Variants in SEC24B observed in about 807,000 individuals in gnomAD.
The protein encoded by SEC24B is protein transport protein Sec24B.
SEC24B carries 45 observed loss-of-function variants against 142.8 expected under a neutral mutation model. That is an observed-to-expected ratio of 0.32 (90% CI 0.25 to 0.40). The LOEUF (loss-of-function observed/expected upper bound fraction) is 0.40, where lower values mean the gene tolerates loss of function less well. Ranked by LOEUF, SEC24B falls within the 10% of genes least tolerant of loss-of-function variation. SEC24B has a pLI of 1.00. For synonymous variants in SEC24B, 574 were observed against 568.2 expected (o/e 1.01, Z -0.15); for missense variants, 1,409 against 1,526.8 (o/e 0.92, Z 1.29).
At chr4:109,487,206 T>C (rs537804426) in intron 4 of SEC24B, among the ~76,000 whole-genome samples, 3 of 149,950 alleles carry the variant, frequency 2.0e-5, no homozygotes, top group African/African-American at 7.5e-5. Flanking sequence ...TAATTCAGGA[T>C]TGAGAATGTG....
At chr4:109,503,125 T>C (rs1736329194) in intron 6 of SEC24B, among the ~76,000 whole-genome samples, 1 of 151,518 alleles carries the variant, frequency 6.6e-6, no homozygotes, top group African/African-American at 2.4e-5. Flanking sequence ...AGTGGTGCGA[T>C]CTTGGCTCAC....
intron 1 of SEC24B, among the ~76,000 whole-genome samples, chr4:109,438,638 A>G (rs1728639714): frequency 6.6e-6 from 1 of 152,222 alleles, no homozygotes; most frequent in Non-Finnish European, 1.5e-5. Context: ...TTCTTTTTAG[A>G]AACTTTGATG....
At chr4:109,461,613 C>T (rs1731264605) in intron 1 of SEC24B, among the ~76,000 whole-genome samples, 1 of 152,070 alleles carries the variant, frequency 6.6e-6, no homozygotes, top group Non-Finnish European at 1.5e-5. Context: ...TTTAAAAAAT[C>T]AAGTAAATTA....
chr4:109,501,036 C>T (rs902846679), intron 6 of SEC24B, among the ~76,000 whole-genome samples: 4 of 152,190 alleles, frequency 2.6e-5, no homozygotes, highest in Non-Finnish European at 4.4e-5. Context: ...GTGTCCTGGG[C>T]TTTCACCTTC....
intron 3 of SEC24B, among the ~76,000 whole-genome samples, chr4:109,474,873 G>A (rs1310466417): frequency 6.6e-6 from 1 of 152,120 alleles, no homozygotes; most frequent in African/African-American, 2.4e-5. Flanking sequence ...AGTAGAAGAA[G>A]CTGCCATTTA....
chr4:109,504,537 A>G (rs1349340193), intron 6 of SEC24B, among the ~76,000 whole-genome samples: 1 of 151,888 alleles, frequency 6.6e-6, no homozygotes, highest in Non-Finnish European at 1.5e-5. Flanking sequence ...TTCATTTTCT[A>G]TGGATTGGGA....
At chr4:109,531,845 C>T (rs1724962385) in intron 20 of SEC24B, among the ~76,000 whole-genome samples, 1 of 152,030 alleles carries the variant, frequency 6.6e-6, no homozygotes, top group Non-Finnish European at 1.5e-5. Context: ...TTGACTGCTT[C>T]TCTTTATTTT....
intron 22 of SEC24B, among the ~76,000 whole-genome samples, chr4:109,536,566 G>T (rs1725560598): frequency 1.3e-5 from 2 of 152,172 alleles, no homozygotes; most frequent in South Asian, 2.1e-4. Flanking sequence ...GTCTCACTCT[G>T]TCACCCAGGC....
intron 1 of SEC24B, among the ~76,000 whole-genome samples, chr4:109,447,672 C>G (rs1364701874): frequency 6.6e-6 from 1 of 152,106 alleles, no homozygotes; most frequent in African/African-American, 2.4e-5. Context: ...TAAGGCATAC[C>G]TCTTGAAAAT....
chr4:109,480,759 G>A (rs946770739), intron 3 of SEC24B, among the ~76,000 whole-genome samples: 6 of 152,196 alleles, frequency 3.9e-5, no homozygotes, highest in Admixed American at 6.5e-5. Context: ...GATTACAGGC[G>A]TGAGCCACCA....
intron 8 of SEC24B, among the ~76,000 whole-genome samples, chr4:109,510,417 T>A (rs544913993): frequency 1.5e-4 from 23 of 152,298 alleles, no homozygotes; most frequent in African/African-American, 5.5e-4. Context: ...TTAATCAAAT[T>A]CTATGAGATA....
chr4:109,470,879 A>C (rs1024799906), intron 2 of SEC24B, among the ~76,000 whole-genome samples: 13 of 152,216 alleles, frequency 8.5e-5, no homozygotes, highest in African/African-American at 3.1e-4. Flanking sequence ...TAAAAAGAGC[A>C]AAAATAATGT....
intron 1 of SEC24B, among the ~76,000 whole-genome samples, chr4:109,434,216 C>A (rs960066121): frequency 4.5e-4 from 68 of 149,798 alleles, no homozygotes; most frequent in African/African-American, 1.6e-3. Context: ...GGGGGTGGGA[C>A]GCCCCTGGCG....
At chr4:109,506,298 CTTTTA>C (rs1561149064) in intron 6 of SEC24B, 25 bp from the exon 7 acceptor site, 6 of 1,424,994 alleles carry the variant, frequency 4.2e-6, no homozygotes, top group South Asian at 1.7e-5. Context: ...TTTTATTGTT[CTTTTA>C]TTTTGTTTTG....
intron 6 of SEC24B, among the ~76,000 whole-genome samples, chr4:109,503,003 A>AT (rs1352808116): frequency 7.0e-6 from 1 of 143,476 alleles, no homozygotes; most frequent in Non-Finnish European, 1.5e-5. Flanking sequence ...GTGTGTTTTT[A>AT]TTTTTTACCT....
Position 109,520,279 on chromosome 4 carries a change from T to G in SEC24B, c.2127-87T>G. On this transcript the variant is annotated intron_variant, in intron 11 of 23. Transcript: ENST00000265175. ...TAGAAAAGCATATGTGTAATTATCC[T>G]TGGACTTAAATTACTATTTCATTAT... 1.2e-5 allele frequency: 10 copies of G among 826,524 alleles called. No homozygotes were observed. In the South Asian group the frequency reaches 1.6e-4, roughly 13 times the overall value. 51.2% of individuals were successfully genotyped at this position (826,524 alleles called of 1,614,324 possible). A position where few individuals can be genotyped will look rare whatever the true frequency, so the allele number is the denominator to read the frequency against.
rs987951208 is a variant in SEC24B, at chr4:109,469,452, T to G, written c.878-3552T>G. 2.0e-5 allele frequency among the ~76,000 whole-genome samples: 3 copies of G among 152,210 alleles called. No individual in the cohort carries two copies. In the East Asian group the frequency reaches 5.8e-4, roughly 29 times the overall value. ...TTTGCAATTCACTTAGAGAAGCAAGTATTATCCAGATAAACACAAATGAAT... is the reference window on the plus strand; with the variant it reads ...TTTGCAATTCACTTAGAGAAGCAAGGATTATCCAGATAAACACAAATGAAT... On this transcript the variant is annotated intron_variant, in intron 2 of 23. Coordinates refer to ENST00000265175, the MANE Select transcript of SEC24B (RefSeq NM_006323.5).
chr4:109,474,189 G>A (rs2125964332), intron 3 of SEC24B, among the ~76,000 whole-genome samples: 1 of 152,304 alleles, frequency 6.6e-6, no homozygotes, highest in South Asian at 2.1e-4. Context: ...CAACAAACCA[G>A]TGGGTATACT....
At chr4:109,468,339 C>T (rs1389374915) in intron 2 of SEC24B, among the ~76,000 whole-genome samples, 1 of 152,176 alleles carries the variant, frequency 6.6e-6, no homozygotes, top group South Asian at 2.1e-4. Flanking sequence ...GTAAATTTTT[C>T]TACATGTTCT....
Sources: gnomAD v4.1 joint callset for allele counts (sites outside exome capture counted in the v4.1 genomes callset) on GRCh38, gnomAD v4.1.1 for gene constraint, MANE v1.5 for transcripts, NCBI Gene and HGNC (gene_info 2026-07-23, HGNC 2026-07-21) for gene names.